The following STAG1 variants were observed in gnomAD, a reference collection of about 807,000 sequenced individuals.
STAG1 encodes cohesin subunit SA-1.
In STAG1, 26 loss-of-function variants were observed where a neutral mutation model predicts 170.9. The observed-to-expected ratio is 0.15, with a 90% CI of 0.11 to 0.21. The LOEUF is 0.21. STAG1 is among the 10% of genes least tolerant of loss of function. The pLI is 1.00. For synonymous variants in STAG1, 514 were observed against 497.7 expected, an observed-to-expected ratio of 1.03 and a Z score of -0.44; for missense variants, 964 against 1,509.5, an observed-to-expected ratio of 0.64 and a Z score of 5.99.
rs1560059543 is a variant in STAG1 at position 136,363,350 on chromosome 3, T to C, written c.2787+16A>G. 3.7e-6 allele frequency: 5 copies of C among 1,335,202 alleles called. No homozygotes were observed. Among genetic ancestry groups the C allele is most frequent in the Non-Finnish European group, 4.3e-6 (4 of 933,954 alleles). 82.7% of individuals were successfully genotyped at this position (1,335,202 alleles called of 1,614,324 possible). On this transcript the variant is annotated intron_variant, in intron 26 of 33. Coordinates refer to ENST00000383202, the MANE Select transcript of STAG1 (RefSeq NM_005862.3). Reference sequence around the variant, plus strand: ...GTTATTTCCATTCTTTGTCTCCCTCTCTCCAAATTTCTTACCTGTTGCAAA... The same window carrying C: ...GTTATTTCCATTCTTTGTCTCCCTCCCTCCAAATTTCTTACCTGTTGCAAA...
At chr3:136,484,118 G>T (rs1473392962) in intron 9 of STAG1, among the ~76,000 whole-genome samples, 1 of 141,964 alleles carries the variant, frequency 7.0e-6, no homozygotes, top group Non-Finnish European at 1.5e-5. Context: ...TCCGTTGCTG[G>T]TGAGGAACTG....
At chr3:136,410,068 T>TAAAAAA (rs766763989) in intron 21 of STAG1, among the ~76,000 whole-genome samples, 2 of 93,062 alleles carry the variant, frequency 2.1e-5, no homozygotes, top group Admixed American at 1.3e-4. Flanking sequence ...AGTCCTTGTC[T>TAAAAAA]AAAAAAAAAA....
chr3:136,748,045 GA>G (rs1935036849), intron 1 of STAG1, among the ~76,000 whole-genome samples: 1 of 151,034 alleles, frequency 6.6e-6, no homozygotes. Context: ...AAAGTGCTGG[GA>G]TTACAGGCGT....
At chr3:136,707,346 GACAA>G (rs1486104351) in intron 1 of STAG1, among the ~76,000 whole-genome samples, 1 of 151,992 alleles carries the variant, frequency 6.6e-6, no homozygotes, top group Non-Finnish European at 1.5e-5. Context: ...AACAACAAAA[GACAA>G]ACAATCCAAT....
intron 10 of STAG1, among the ~76,000 whole-genome samples, chr3:136,474,176 T>C (rs1416856389): frequency 6.6e-6 from 1 of 152,148 alleles, no homozygotes; most frequent in Non-Finnish European, 1.5e-5. Context: ...GGAATGTCTT[T>C]AATAAAGTCA....
At chr3:136,442,599 G>C (rs780162409) in intron 15 of STAG1, among the ~76,000 whole-genome samples, 3 of 151,818 alleles carry the variant, frequency 2.0e-5, no homozygotes, top group African/African-American at 4.8e-5. Flanking sequence ...TGCAACAAAA[G>C]AGGGGATGGC....
intron 1 of STAG1, among the ~76,000 whole-genome samples, chr3:136,705,582 C>G (rs1943207026): frequency 6.6e-6 from 1 of 152,012 alleles, no homozygotes; most frequent in African/African-American, 2.4e-5. Context: ...GTGGGTCTTT[C>G]CCATGCTGTT....
intron 22 of STAG1, among the ~76,000 whole-genome samples, chr3:136,380,323 C>T (rs900972278): frequency 1.3e-5 from 2 of 151,824 alleles, no homozygotes; most frequent in Admixed American, 6.6e-5. Flanking sequence ...CCCACTGCAG[C>T]CTCTGTCTCC....
chr3:136,425,488 G>A (rs1301849080), intron 16 of STAG1, among the ~76,000 whole-genome samples: 1 of 152,030 alleles, frequency 6.6e-6, no homozygotes, highest in Admixed American at 6.6e-5. Context: ...AGAATGAGGT[G>A]TAGAGAAAGT....
intron 28 of STAG1, among the ~76,000 whole-genome samples, chr3:136,351,781 CT>C (rs1560051345): frequency 6.6e-6 from 1 of 152,110 alleles, no homozygotes; most frequent in Non-Finnish European, 1.5e-5. Context: ...AGTCCCTGGC[CT>C]AAAATGTGGG....
intron 5 of STAG1, among the ~76,000 whole-genome samples, chr3:136,548,851 G>C (rs1040239694): frequency 6.6e-6 from 1 of 152,086 alleles, no homozygotes; most frequent in South Asian, 2.1e-4. Context: ...TTCCCTTTTG[G>C]TGTTGTTTTC....
At chr3:136,479,003 A>G (rs1323908017) in intron 9 of STAG1, among the ~76,000 whole-genome samples, 1 of 151,654 alleles carries the variant, frequency 6.6e-6, no homozygotes, top group African/African-American at 2.4e-5. Flanking sequence ...TAGAAGACTT[A>G]GAATTCTACC....
chr3:136,537,212 A>C (rs928059983), intron 6 of STAG1, among the ~76,000 whole-genome samples: 1 of 152,202 alleles, frequency 6.6e-6, no homozygotes, highest in Non-Finnish European at 1.5e-5. Flanking sequence ...GGTGTATTGT[A>C]AGAAAATATT....
chr3:136,629,452 A>T (rs367880601), intron 2 of STAG1, among the ~76,000 whole-genome samples: 23 of 152,098 alleles, frequency 1.5e-4, no homozygotes, highest in Non-Finnish European at 4.4e-5. Context: ...CCAAACTTAA[A>T]TATCATATAA....
intron 7 of STAG1, among the ~76,000 whole-genome samples, chr3:136,520,986 A>C (rs1934643338): frequency 6.6e-6 from 1 of 152,150 alleles, no homozygotes; most frequent in African/African-American, 2.4e-5. Flanking sequence ...TTAGTAACTA[A>C]ACATTCAGAC....
chr3:136,719,904 C>T (rs886392459), intron 1 of STAG1, among the ~76,000 whole-genome samples: 6 of 151,968 alleles, frequency 3.9e-5, no homozygotes, highest in African/African-American at 1.4e-4. Context: ...AGTCCGGGAG[C>T]GGTGGCTCAT....
chr3:136,710,991 C>CA (rs925889285), intron 1 of STAG1, among the ~76,000 whole-genome samples: 7 of 151,790 alleles, frequency 4.6e-5, no homozygotes, highest in Admixed American at 1.3e-4. Context: ...TAATTTTTCA[C>CA]AAAAACCTTT....
chr3:136,338,327 C>T (rs533688925), intron 33 of STAG1, 43 bp downstream of exon 33: 1 of 1,585,592 alleles, frequency 6.3e-7, no homozygotes, highest in South Asian at 1.1e-5. Context: ...ATAAACAGGA[C>T]CCAGGAACCA....
Position 136,522,438 on chromosome 3 carries a change from T to G in STAG1, c.472-1021A>C, listed in dbSNP as rs180891464. Among the ~76,000 whole-genome samples, 64 of 152,000 alleles carry G rather than the reference T, an allele frequency of 4.2e-4. 1 individual carries two copies. The South Asian group carries it at 9.2e-3, about 22-fold the overall frequency. ...GTGAGTGTAGATTGGAGAAGTTACA[T>G]AGACTAGAAAGAAAAGATGCTTCCT... On this transcript the variant is annotated intron_variant, in intron 6 of 33. Transcript: ENST00000383202.
Sources: allele counts gnomAD v4.1 joint callset (sites outside exome capture counted in the v4.1 genomes callset), GRCh38; gene constraint gnomAD v4.1.1; transcripts MANE v1.5; gene names NCBI Gene and HGNC (gene_info 2026-07-23, HGNC 2026-07-21).